Variants in DSCAM observed in about 807,000 individuals in gnomAD.
DSCAM encodes cell adhesion molecule DSCAM.
DSCAM carries 47 observed loss-of-function variants against 217.7 expected under a neutral mutation model. That is an observed-to-expected ratio of 0.22 (90% CI 0.17 to 0.28). The LOEUF (loss-of-function observed/expected upper bound fraction) is 0.28. Among genes scored for constraint, DSCAM ranks in the 10% least tolerant of loss-of-function variants. The pLI is 1.00. For synonymous variants in DSCAM, 1,056 were observed against 1,015.3 expected (o/e 1.04, Z -0.76); for missense variants, 2,080 against 2,618.3 (o/e 0.79, Z 4.49).
chr21:40,709,000 T>A (rs2090748054), intron 1 of DSCAM, among the ~76,000 whole-genome samples: 1 of 152,366 alleles, frequency 6.6e-6, no homozygotes, highest in South Asian at 2.1e-4. Context: ...TAAGTTATCC[T>A]GGATGTTAAT....
chr21:40,498,919 G>A (rs1340401948), intron 3 of DSCAM, among the ~76,000 whole-genome samples: 1 of 150,016 alleles, frequency 6.7e-6, no homozygotes, highest in Admixed American at 6.7e-5. Context: ...AGAATCCACA[G>A]AATTTCTCAA....
rs751697626 is a variant in DSCAM at position 40,237,983 on chromosome 21, G to A, written c.2356+38114C>T. On this transcript the variant is annotated intron_variant, in intron 11 of 32. Coordinates refer to ENST00000400454, the MANE Select transcript of DSCAM (RefSeq NM_001389.5). ...GTAAAGTAATACATTCACAGATTCC[G>A]TGGGTTGGGCTACAGACATCCTGGG... Among the ~76,000 whole-genome samples the A allele has an allele frequency of 4.6e-5, 7 of 152,144 alleles. 1 individual carries two copies. In the South Asian group the frequency reaches 6.2e-4, roughly 14 times the overall value.
rs143564126 is a variant in DSCAM at position 40,290,484 on chromosome 21, G to T, written c.2182+5571C>A. Among the ~76,000 whole-genome samples the T allele has an allele frequency of 2.0e-3, 301 of 152,250 alleles. 2 individuals carry two copies. The highest frequency in any genetic ancestry group is 6.9e-3 in the African/African-American group (286 of 41,560). On this transcript the variant is annotated intron_variant, in intron 10 of 32. Coordinates refer to ENST00000400454, the MANE Select transcript of DSCAM (RefSeq NM_001389.5). ...CAAAATACAAAAATTAGCTGGGCAT[G>T]GTAGTGCATGGCTATAGTCCCAGCT...
chr21:40,644,073 G>A (rs1321657486), intron 3 of DSCAM, among the ~76,000 whole-genome samples: 1 of 152,144 alleles, frequency 6.6e-6, no homozygotes, highest in Non-Finnish European at 1.5e-5. Flanking sequence ...TTCTAATTCA[G>A]TTGGTCCAAG....
chr21:40,823,203 TTGTGTGTGTGTG>T (rs3988411), intron 1 of DSCAM, among the ~76,000 whole-genome samples: 61 of 144,474 alleles, frequency 4.2e-4, no homozygotes, highest in Admixed American at 1.4e-3. Context: ...CATACATACA[TTGTGTGTGTGTG>T]TGTGTGTGTG....
rs192510254 is a variant in DSCAM at position 40,578,923 on chromosome 21, C to T, written c.508+113887G>A. On this transcript the variant is annotated intron_variant, in intron 3 of 32. Coordinates refer to ENST00000400454, the MANE Select transcript of DSCAM (RefSeq NM_001389.5). The stretch of plus-strand genomic sequence containing the variant: ...ATTTTCAAGTGACATGGAAGAGTTC[C>T]AGAAACATAGTGTGGATGAAGATGA... Among the ~76,000 whole-genome samples, 183 of 152,200 alleles carry T rather than the reference C, an allele frequency of 1.2e-3. 1 individual carries two copies. Among genetic ancestry groups the T allele is most frequent in the African/African-American group, 4.2e-3 (174 of 41,520 alleles).
Position 40,276,133 on chromosome 21 carries a change from C to T in DSCAM, c.2320G>A (p.Ala774Thr). 3.1e-6 allele frequency: 5 copies of T among 1,608,532 alleles called. No homozygotes were observed. The highest frequency in any genetic ancestry group is 4.2e-6 in the Non-Finnish European group (5 of 1,177,672). The change falls in exon 11 of 33, where the codon GCA becomes ACA. Residue 774 changes from alanine to threonine, a missense_variant. Around this residue, in one of 5 missense-constraint regions of DSCAM, gnomAD observed 218 missense variants for 364.1 expected, o/e 0.60. Transcript: ENST00000400454. ...AGGTACATGGACTTGCTGACGTCTG[C>T]GCCCACATCGTTGCTGACCTTGCAG... ...YLCKVSNDVG[A>T]DVSKSMYLTV...
At chr21:40,081,619 C>A (rs971911735) in intron 24 of DSCAM, among the ~76,000 whole-genome samples, 1 of 152,166 alleles carries the variant, frequency 6.6e-6, no homozygotes, top group Non-Finnish European at 1.5e-5. Context: ...TCCAGCCGCC[C>A]TACACATTGT....
At chr21:40,833,014 C>T (rs548479093) in intron 1 of DSCAM, among the ~76,000 whole-genome samples, 11 of 152,276 alleles carry the variant, frequency 7.2e-5, no homozygotes, top group East Asian at 1.9e-4. Flanking sequence ...CAGATGATGT[C>T]GTGCCTTTTT....
rs774169942 is a variant in DSCAM at position 40,085,556 on chromosome 21, C to T, written c.4132+46G>A. Reference sequence around the variant, plus strand: ...TCAGTGCTACTTTTTGCATAGAAAGCATACATGTAAAAGATATCATTAAAA... The same window carrying T: ...TCAGTGCTACTTTTTGCATAGAAAGTATACATGTAAAAGATATCATTAAAA... On this transcript the variant is annotated intron_variant, in intron 23 of 32. Coordinates refer to ENST00000400454, the MANE Select transcript of DSCAM (RefSeq NM_001389.5). The T allele has an allele frequency of 4.3e-6, 6 of 1,407,928 alleles. No homozygotes were observed. In the Admixed American group the frequency reaches 9.0e-5, roughly 21 times the overall value. The allele number at this position is 1,407,928 out of a possible 1,614,324, so 87.2% of individuals were successfully genotyped here.
chr21:40,141,833 G>T (rs1200533148), intron 18 of DSCAM, among the ~76,000 whole-genome samples: 1 of 152,182 alleles, frequency 6.6e-6, no homozygotes, highest in African/African-American at 2.4e-5. Context: ...AGCCTGGTGG[G>T]CACCACTCGC....
At chr21:40,615,764 C>T (rs1303123915) in intron 3 of DSCAM, among the ~76,000 whole-genome samples, 1 of 152,072 alleles carries the variant, frequency 6.6e-6, no homozygotes, top group Non-Finnish European at 1.5e-5. Flanking sequence ...GCAGAGAGCT[C>T]TATATCAACA....
chr21:40,443,742 G>C lies in DSCAM; in HGVS notation c.509-74497C>G, dbSNP rs2075651429. On this transcript the variant is annotated intron_variant, in intron 3 of 32. Transcript: ENST00000400454. ...TCATAACAAACACTAGCAGATGTAA[G>C]ATGGGTCCTATTTTCTCTGCTTTAC... 2.6e-5 allele frequency among the ~76,000 whole-genome samples: 4 copies of C among 152,208 alleles called. No individual in the cohort carries two copies. The South Asian group carries it at 8.3e-4, about 32-fold the overall frequency.
At chr21:40,267,851 G>A (rs181541683) in intron 11 of DSCAM, among the ~76,000 whole-genome samples, 7 of 152,122 alleles carry the variant, frequency 4.6e-5, no homozygotes, top group Non-Finnish European at 8.8e-5. Flanking sequence ...AGCTGAGATC[G>A]TGCCATTGCA....
At chr21:40,743,434 T>C (rs568343741) in intron 1 of DSCAM, among the ~76,000 whole-genome samples, 1 of 152,270 alleles carries the variant, frequency 6.6e-6, no homozygotes, top group Non-Finnish European at 1.5e-5. Context: ...ACAAATAAGG[T>C]CTTTACAAGG....
At chr21:40,139,296 G>T (rs1156577247) in intron 18 of DSCAM, among the ~76,000 whole-genome samples, 17 of 151,970 alleles carry the variant, frequency 1.1e-4, no homozygotes, top group Non-Finnish European at 7.4e-5. Context: ...TGCCCAGGGT[G>T]GTCGGGGCAC....
At chr21:40,731,395 G>A (rs554189974) in intron 1 of DSCAM, among the ~76,000 whole-genome samples, 5 of 152,320 alleles carry the variant, frequency 3.3e-5, no homozygotes, top group African/African-American at 1.2e-4. Flanking sequence ...CTCATGATAA[G>A]GAGGGGAAAG....
intron 15 of DSCAM, among the ~76,000 whole-genome samples, chr21:40,174,531 CTTT>C (rs112792781): frequency 7.0e-6 from 1 of 143,128 alleles, no homozygotes; most frequent in Non-Finnish European, 1.5e-5. Context: ...CCATGTTATT[CTTT>C]TTTTTTTTTT....
intron 1 of DSCAM, among the ~76,000 whole-genome samples, chr21:40,829,850 C>G (rs2091998857): frequency 1.3e-5 from 2 of 152,208 alleles, no homozygotes; most frequent in Non-Finnish European, 2.9e-5. Flanking sequence ...CTGAGCCTCT[C>G]ATCTCAGGAA....
Sources: gnomAD v4.1 joint callset for allele counts (sites outside exome capture counted in the v4.1 genomes callset) on GRCh38, gnomAD v4.1.1 for gene constraint, gnomAD v4.1.1 regional missense constraint, MANE v1.5 for transcripts, NCBI Gene and HGNC (gene_info 2026-07-23, HGNC 2026-07-21) for gene names.